SETD1A: variants seen among roughly 807,000 people sequenced by gnomAD.
SETD1A encodes the protein SET domain containing 1A, histone lysine methyltransferase, also known as histone-lysine N-methyltransferase SETD1A.
A neutral mutation model predicts 149.9 loss-of-function variants in SETD1A; 29 were observed. The observed-to-expected ratio is 0.19, with a 90% CI of 0.14 to 0.26. The LOEUF is 0.26. Among genes scored for constraint, SETD1A ranks in the 10% least tolerant of loss-of-function variants. The probability of loss-of-function intolerance (pLI) is 1.00; values close to 1 mark genes in which losing one functional copy is unlikely to be tolerated. For missense variants in SETD1A, 2,109 were observed against 2,353.1 expected (o/e 0.90, Z 2.15); for synonymous variants, 1,141 against 968.5 (o/e 1.18, Z -3.31).
At chr16:30,958,561 G>A (rs976385745) in intron 1 of SETD1A, among the ~76,000 whole-genome samples, 156 bp from the exon 2 acceptor site, 1 of 152,178 alleles carries the variant, frequency 6.6e-6, no homozygotes, top group African/African-American at 2.4e-5. Context: ...GAAACAGAGG[G>A]TACTTGGGGG....
At chr16:30,975,023 T>G (rs1164346286) in intron 13 of SETD1A, among the ~76,000 whole-genome samples, 2 of 152,050 alleles carry the variant, frequency 1.3e-5, no homozygotes, top group East Asian at 3.9e-4. Context: ...GGCACATGCC[T>G]GTAATCCCAG....
intron 3 of SETD1A, among the ~76,000 whole-genome samples, chr16:30,960,280 T>G (rs1457011525): frequency 1.3e-5 from 2 of 152,212 alleles, no homozygotes; most frequent in East Asian, 3.8e-4. Flanking sequence ...TGTATGGTTA[T>G]TGACCTGGCC....
At chr16:30,960,005 G>A (rs1367558195) in intron 3 of SETD1A, among the ~76,000 whole-genome samples, 29 of 152,070 alleles carry the variant, frequency 1.9e-4, no homozygotes, top group Admixed American at 1.8e-3. Flanking sequence ...CAGTACCATC[G>A]ACTCAGCTGT....
Position 30,980,383 on chromosome 16 carries a change from G to T in SETD1A, c.4409-102G>T. The T allele has an allele frequency of 6.7e-7, 1 of 1,482,070 alleles. No homozygotes were observed. Among genetic ancestry groups the T allele is most frequent in the Admixed American group, 2.1e-5 (1 of 46,968 alleles). The allele number at this position is 1,482,070 out of a possible 1,614,324, so 91.8% of individuals were successfully genotyped here. A position where few individuals can be genotyped will look rare whatever the true frequency, so the allele number is the denominator to read the frequency against. On this transcript the variant is annotated intron_variant, in intron 14 of 18. Transcript: ENST00000262519. This position sits in a 1 kb window ranked among gnomAD's most constrained non-coding sequence, Gnocchi z 7.7. ...CGATGGGGCTGGGGCTTCCTCCCCT[G>T]TCCCTCACCTGGGTATGCTCAGCGG...
Position 30,957,822 on chromosome 16 carries a change from C to T in SETD1A, c.-158C>T, listed in dbSNP as rs929991165. The T allele has an allele frequency of 2.0e-5, 3 of 152,252 alleles. No homozygotes were observed. The East Asian group carries it at 5.8e-4, about 29-fold the overall frequency. The allele number at this position is 152,252 out of a possible 1,614,324, so 9.4% of individuals were successfully genotyped here. A position where few individuals can be genotyped will look rare whatever the true frequency, so the allele number is the denominator to read the frequency against. On this transcript the variant is annotated 5_prime_UTR_variant, in exon 1 of 19. Coordinates refer to ENST00000262519, the MANE Select transcript of SETD1A (RefSeq NM_014712.3). ...CGACTCTCCGGGGGATGCGGCCAAT[C>T]TCCAAGCTCCCTGGGCCGCAACTTC...
rs766001323 is a variant in SETD1A at position 30,969,369 on chromosome 16, C to T, written c.2835C>T (p.Asp945=). 9.3e-6 allele frequency: 15 copies of T among 1,614,160 alleles called. No individual in the cohort carries two copies. The highest frequency in any genetic ancestry group is 1.2e-5 in the Non-Finnish European group (14 of 1,180,014). The change falls in exon 11 of 19, where the codon GAC becomes GAT. Residue 945 remains aspartate (D), a synonymous_variant. Transcript: ENST00000262519. ...CGGGGACCAAGCCCCCGAAGCGGGA[C>T]GAAGAGCGAGGCAAGACCCAGGGCA... is the stretch of plus-strand genomic sequence containing the variant. The part of the protein sequence containing the change: ...GRPGTKPPKR[D]EERGKTQGKH...
chr16:30,958,485 G>T, intron 1 of SETD1A: 1 of 522,496 alleles, frequency 1.9e-6, no homozygotes, highest in Non-Finnish European at 3.4e-6. Context: ...AGGTAAGGGG[G>T]CTCGAGACGG....
chr16:30,965,053 T>C lies in SETD1A; in HGVS notation c.1311T>C (p.Pro437=). The change falls in exon 7 of 19, where the codon CCT becomes CCC. Residue 437 remains proline (P), a synonymous_variant. Coordinates refer to ENST00000262519, the MANE Select transcript of SETD1A (RefSeq NM_014712.3). ...CCTCAGAGGCTCCACCCCCGGAGCC[T>C]CCAGAACCTGGTGGAGGCGGGGGTG... ...PPASEAPPPE[P]PEPGGGGGGG... is the part of the protein sequence containing the mutation. 1 of 1,612,028 alleles carries C rather than the reference T, an allele frequency of 6.2e-7. No individual in the cohort carries two copies. The highest frequency in any genetic ancestry group is 1.1e-5 in the South Asian group (1 of 91,026).
intron 17 of SETD1A, among the ~76,000 whole-genome samples, chr16:30,981,724 A>G (rs2056380878): frequency 6.6e-6 from 1 of 152,168 alleles, no homozygotes; most frequent in Non-Finnish European, 1.5e-5. Flanking sequence ...ACAGGCACTG[A>G]ACAAGTATCC....
At chr16:30,977,653 A>G (rs1369389340) in intron 13 of SETD1A, among the ~76,000 whole-genome samples, 2 of 152,202 alleles carry the variant, frequency 1.3e-5, no homozygotes, top group Non-Finnish European at 2.9e-5. Context: ...GGAGGCCTGC[A>G]TGCATCTGGG....
chr16:30,974,626 G>C (rs937704524), intron 13 of SETD1A, among the ~76,000 whole-genome samples: 1 of 152,170 alleles, frequency 6.6e-6, no homozygotes, highest in Non-Finnish European at 1.5e-5. Context: ...TCAGTTGAGT[G>C]GTTCAGACTG....
At chr16:30,982,844 G>T (rs1289380715) in intron 17 of SETD1A, among the ~76,000 whole-genome samples, 1 of 152,098 alleles carries the variant, frequency 6.6e-6, no homozygotes, top group Non-Finnish European at 1.5e-5. Context: ...AGGGTGAGGG[G>T]GACGGGAGGC....
rs1267449643 is a variant in SETD1A at position 30,969,613 on chromosome 16, T to C, written c.2940T>C (p.Asp980=). The part of the protein sequence containing the change: ...QESSSEKDEE[D]DEEDEEDEDR... The stretch of plus-strand genomic sequence containing the variant: ...TCTTTTTTCTTAAGGATGAGGAGGA[T>C]GACGAGGAAGATGAGGAAGATGAAG... Residue 980 remains aspartate, a synonymous_variant, in exon 12 of 19, where the codon GAT becomes GAC. Transcript: ENST00000262519. The C allele has an allele frequency of 1.2e-6, 2 of 1,614,040 alleles. No individual in the cohort carries two copies. Among genetic ancestry groups the C allele is most frequent in the Admixed American group, 1.7e-5 (1 of 60,026 alleles).
intron 10 of SETD1A, among the ~76,000 whole-genome samples, chr16:30,968,669 C>T (rs1295058420): frequency 6.6e-6 from 1 of 151,498 alleles, no homozygotes; most frequent in Non-Finnish European, 1.5e-5. Flanking sequence ...GGCGTGGTGG[C>T]GGGTGCCTAT....
chr16:30,966,854 G>A (rs1310871027), intron 8 of SETD1A, 30 bp from the exon 9 acceptor site: 7 of 1,523,996 alleles, frequency 4.6e-6, no homozygotes, highest in Admixed American at 4.3e-5. Flanking sequence ...GGTTCTGGGC[G>A]CTGGGGCTCA....
At chr16:30,968,525 A>C (rs2056182181) in intron 10 of SETD1A, among the ~76,000 whole-genome samples, 1 of 151,932 alleles carries the variant, frequency 6.6e-6, no homozygotes, top group Admixed American at 6.6e-5. Context: ...TATTAAGGCC[A>C]GGCAGGGTGG....
chr16:30,982,875 A>T (rs564216771), intron 17 of SETD1A, among the ~76,000 whole-genome samples: 17 of 152,258 alleles, frequency 1.1e-4, no homozygotes, highest in Non-Finnish European at 1.2e-4. Flanking sequence ...TGCTGCTCTT[A>T]GCTGCTGGGA....
intron 17 of SETD1A, among the ~76,000 whole-genome samples, chr16:30,982,792 G>T (rs1426437805): frequency 6.6e-6 from 1 of 152,130 alleles, no homozygotes; most frequent in East Asian, 1.9e-4. Context: ...TGACAGAGAG[G>T]AGGCTTTGGG....
In SETD1A at chr16:30,965,830, C is replaced by G; in HGVS notation, c.1949C>G (p.Pro650Arg). The G allele has an allele frequency of 6.2e-7, 1 of 1,604,994 alleles. No individual in the cohort carries two copies. The highest frequency in any genetic ancestry group is 8.5e-7 in the Non-Finnish European group (1 of 1,174,624). Residue 650 changes from proline (P) to arginine (R), a missense_variant, in exon 8 of 19, where the codon CCT (proline) becomes CGT (arginine). By Grantham distance (103) the Pro-to-Arg change is moderately radical (BLOSUM62 -2). This residue lies in a region of SETD1A where 431 missense variants were observed against 388.6 expected (regional missense o/e 1.11). Transcript: ENST00000262519. ...CCGCCCCCTGAGTACCCCCCACCTC[C>G]TCCACCACCCCCGCACATCTATGAC... is the stretch of plus-strand genomic sequence containing the variant. ...GPPPPEYPPP[P>R]PPPPHIYDFV...
Sources: allele counts gnomAD v4.1 joint callset (sites outside exome capture counted in the v4.1 genomes callset), GRCh38; gene constraint gnomAD v4.1.1; regional missense constraint gnomAD v4.1.1; non-coding constraint Gnocchi (gnomAD v3.1); transcripts MANE v1.5; gene names NCBI Gene and HGNC (gene_info 2026-07-23, HGNC 2026-07-21).